The following GAB4 variants were observed in gnomAD, a reference collection of about 807,000 sequenced individuals.
GAB4 encodes GRB2 associated binding protein family member 4.
GAB4 carries 26 observed loss-of-function variants against 51.3 expected under a neutral mutation model. That is an observed-to-expected ratio of 0.51 (90% CI 0.37 to 0.70). The LOEUF (loss-of-function observed/expected upper bound fraction) is 0.70. GAB4 is among the 30% of genes least tolerant of loss of function. GAB4 has a pLI of 0.00. For missense variants in GAB4, 759 were observed against 734.6 expected (o/e 1.03, Z -0.38); for synonymous variants, 329 against 291.2 (o/e 1.13, Z -1.32).
At chr22:16,988,443 G>A (rs2060887394) in intron 2 of GAB4, among the ~76,000 whole-genome samples, 1 of 152,196 alleles carries the variant, frequency 6.6e-6, no homozygotes, top group South Asian at 2.1e-4. Flanking sequence ...CACAGTCCAG[G>A]AGTGTGGTCC....
chr22:16,963,909 A>C, intron 8 of GAB4, 80 bp from the exon 9 acceptor site: 1 of 1,089,266 alleles, frequency 9.2e-7, no homozygotes, highest in South Asian at 1.3e-5. Context: ...CTGTGGGCGT[A>C]GCTACGAGCC....
chr22:16,967,158 C>G (rs1190712497), intron 5 of GAB4: 1 of 152,274 alleles, frequency 6.6e-6, no homozygotes, highest in Non-Finnish European at 1.5e-5. Flanking sequence ...TGGGTCCACT[C>G]AGGTTTCTGG....
intron 5 of GAB4, 54 bp from the exon 6 acceptor site, chr22:16,966,418 G>A: frequency 6.4e-7 from 1 of 1,550,864 alleles, no homozygotes; most frequent in Non-Finnish European, 8.8e-7. Context: ...AACAAGATAG[G>A]AATGAGAATT....
At chr22:17,001,092 T>C (rs185067352) in intron 1 of GAB4, among the ~76,000 whole-genome samples, 2 of 152,328 alleles carry the variant, frequency 1.3e-5, no homozygotes, top group African/African-American at 4.8e-5. Context: ...CATTTCAACT[T>C]TGGTGAATCT....
intron 3 of GAB4, among the ~76,000 whole-genome samples, chr22:16,973,492 C>G (rs73145693): frequency 6.6e-6 from 1 of 152,110 alleles, no homozygotes; most frequent in Non-Finnish European, 1.5e-5. Flanking sequence ...TGCCCCAGGT[C>G]CCTTACTCCA....
chr22:16,974,071 G>A (rs2060756587), intron 3 of GAB4, among the ~76,000 whole-genome samples: 1 of 152,226 alleles, frequency 6.6e-6, no homozygotes, highest in Non-Finnish European at 1.5e-5. Context: ...AACACCCAGG[G>A]CTCTGGACAC....
At position 17,008,004 on chromosome 22, in the gene GAB4, A is replaced by G. The variant is rs561932505; in HGVS notation, c.111T>C (p.Ser37=). 2.5e-6 allele frequency: 4 copies of G among 1,612,200 alleles called. No individual in the cohort carries two copies. The highest frequency in any genetic ancestry group is 2.2e-5 in the East Asian group (1 of 44,788). The change falls in exon 1 of 10, where the codon AGT becomes AGC. Residue 37 remains serine (S), a synonymous_variant. Coordinates refer to ENST00000400588, the MANE Select transcript of GAB4 (RefSeq NM_001037814.1). ...GSGPAGGSTR[S]GHVLYSGWLR... ...GCCAGCCGCTGTACAGCACGTGGCC[A>G]CTTCTCGTGCTTCCGCCGGCGGGGC...
chr22:17,003,715 C>A (rs553021099), intron 1 of GAB4, among the ~76,000 whole-genome samples: 4 of 152,156 alleles, frequency 2.6e-5, no homozygotes, highest in Admixed American at 6.5e-5. Flanking sequence ...TAAATGCCCA[C>A]AAGAGAAAGC....
At chr22:16,972,174 C>G (rs1231581505) in intron 3 of GAB4, among the ~76,000 whole-genome samples, 1 of 152,258 alleles carries the variant, frequency 6.6e-6, no homozygotes, top group Non-Finnish European at 1.5e-5. Flanking sequence ...CAGACGCCAC[C>G]TGCCCTGCAG....
At chr22:16,965,310 C>T (rs1226836069) in intron 6 of GAB4, 42 bp from the exon 7 acceptor site, 2 of 1,450,110 alleles carry the variant, frequency 1.4e-6, no homozygotes, top group Non-Finnish European at 1.9e-6. Flanking sequence ...AGTGATGACA[C>T]CACACCCATG....
intron 1 of GAB4, among the ~76,000 whole-genome samples, chr22:17,006,657 T>A (rs976194629): frequency 1.8e-4 from 28 of 152,114 alleles, no homozygotes; most frequent in Non-Finnish European, 3.2e-4. Context: ...ACATATACAC[T>A]ATGGAATATT....
intron 3 of GAB4, among the ~76,000 whole-genome samples, chr22:16,974,176 C>T (rs2060757524): frequency 6.6e-6 from 1 of 152,206 alleles, no homozygotes; most frequent in Non-Finnish European, 1.5e-5. Context: ...CCATGTGAGG[C>T]CAATGTTACT....
chr22:16,977,489 A>G (rs191938491), intron 3 of GAB4, among the ~76,000 whole-genome samples: 15 of 152,362 alleles, frequency 9.8e-5, no homozygotes, highest in African/African-American at 3.6e-4. Context: ...TCCTAAATAT[A>G]TATGTGCCTA....
rs531885924 is a variant in GAB4, at chr22:16,995,783, C to T, written c.175-3607G>A. On this transcript the variant is annotated intron_variant, in intron 1 of 9. Transcript: ENST00000400588. ...CACCAACATCAACAAAAAGGACACC[C>T]ACGCAAAAACCCCATCCAAAGATCA... Among the ~76,000 whole-genome samples the T allele has an allele frequency of 3.3e-5, 5 of 152,278 alleles. No homozygotes were observed. The South Asian group carries it at 1.0e-3, about 32-fold the overall frequency.
chr22:17,005,911 A>G (rs1036800341), intron 1 of GAB4, among the ~76,000 whole-genome samples: 2 of 152,256 alleles, frequency 1.3e-5, no homozygotes, highest in African/African-American at 4.8e-5. Flanking sequence ...CTAAAACCAT[A>G]GAAACCTTAG....
In GAB4 at chr22:17,008,011, G is replaced by A. The variant is rs1332910310; in HGVS notation, c.104C>T (p.Thr35Met). Residue 35 changes from threonine to methionine, a missense_variant, in exon 1 of 10, where the codon ACG becomes ATG. Coordinates refer to ENST00000400588, the MANE Select transcript of GAB4 (RefSeq NM_001037814.1). The stretch of plus-strand genomic sequence containing the variant: ...GCTGTACAGCACGTGGCCACTTCTC[G>A]TGCTTCCGCCGGCGGGGCCACTTCC... Reference protein sequence around the residue: ...WPGSGPAGGSTRSGHVLYSGW... With the variant: ...WPGSGPAGGSMRSGHVLYSGW... 15 of 1,612,156 alleles carry A rather than the reference G, an allele frequency of 9.3e-6. No homozygotes were observed. The highest frequency in any genetic ancestry group is 2.2e-5 in the East Asian group (1 of 44,830).
chr22:16,987,754 CA>C (rs1284192429), intron 3 of GAB4, among the ~76,000 whole-genome samples: 1 of 152,036 alleles, frequency 6.6e-6, no homozygotes, highest in Non-Finnish European at 1.5e-5. Flanking sequence ...CTTAGGAATC[CA>C]ATTATCACTT....
chr22:17,003,063 C>G (rs11704927), intron 1 of GAB4, among the ~76,000 whole-genome samples: 3,371 of 152,176 alleles, frequency 0.022, 58 homozygotes, highest in Middle Eastern at 0.068. Context: ...TTTAAACCAA[C>G]AAACATCAAA....
At chr22:17,005,686 A>G (rs1203697444) in intron 1 of GAB4, among the ~76,000 whole-genome samples, 2 of 152,246 alleles carry the variant, frequency 1.3e-5, no homozygotes, top group African/African-American at 4.8e-5. Flanking sequence ...GGCCTCAGAA[A>G]TAACACCACA....
Sources: gnomAD v4.1 joint callset for allele counts (sites outside exome capture counted in the v4.1 genomes callset) on GRCh38, gnomAD v4.1.1 for gene constraint, MANE v1.5 for transcripts, NCBI Gene and HGNC (gene_info 2026-07-23, HGNC 2026-07-21) for gene names.